Variants in VIRMA observed in about 807,000 individuals in gnomAD.
VIRMA encodes vir like m6A methyltransferase associated, also known as protein virilizer homolog.
Under a neutral mutation model 182.4 loss-of-function variants are expected in VIRMA, and 65 were observed. The ratio of observed to expected loss-of-function variants is 0.36; its 90% confidence interval spans 0.29 to 0.44. VIRMA has a LOEUF of 0.44. VIRMA is among the 20% of genes least tolerant of loss of function. The pLI is 1.00. For synonymous variants in VIRMA, 709 were observed against 743.1 expected, an observed-to-expected ratio of 0.95 and a Z score of 0.75; for missense variants, 1,752 against 2,158.1, an observed-to-expected ratio of 0.81 and a Z score of 3.73.
At chr8:94,520,425 G>A (rs1274622967) in intron 8 of VIRMA, among the ~76,000 whole-genome samples, 1 of 151,952 alleles carries the variant, frequency 6.6e-6, no homozygotes, top group African/African-American at 2.4e-5. Context: ...AGCCCAGGAG[G>A]TTGAGGCTGC....
chr8:94,542,746 T>C (rs1815603778), intron 2 of VIRMA, among the ~76,000 whole-genome samples: 2 of 152,250 alleles, frequency 1.3e-5, no homozygotes, highest in Admixed American at 6.5e-5. Flanking sequence ...TCCTTCACTA[T>C]AAACATTAAA....
In VIRMA at chr8:94,530,944, G is replaced by A. The variant is rs1815151882; in HGVS notation, c.607+19C>T. On this transcript the variant is annotated intron_variant, in intron 6 of 23. Transcript: ENST00000297591. ...CTATTAACTAGGGGGGAAAACCTTA[G>A]CACTGGTTTTATTTATACCTGGCAG... The A allele has an allele frequency of 6.3e-6, 10 of 1,596,872 alleles. No homozygotes were observed. The highest frequency in any genetic ancestry group is 7.7e-6 in the Non-Finnish European group (9 of 1,173,278).
In VIRMA at chr8:94,526,536, C is replaced by G. The variant is rs781239414; in HGVS notation, c.1708G>C (p.Gly570Arg). ...YEVLSEIKRLGDHLAEKTSSL... is the reference protein window; with the variant it reads ...YEVLSEIKRLRDHLAEKTSSL... ...GAAGTCTTCTCTGCTAAATGGTCACCAAGTCTTTTAATCTCTGACAAGACT... is the reference window on the plus strand; with the variant it reads ...GAAGTCTTCTCTGCTAAATGGTCACGAAGTCTTTTAATCTCTGACAAGACT... Residue 570 changes from glycine (G) to arginine (R), a missense_variant, in exon 8 of 24, where the codon GGT (glycine) becomes CGT (arginine). Gly to Arg is a moderately radical substitution (Grantham distance 125). Coordinates refer to ENST00000297591, the MANE Select transcript of VIRMA (RefSeq NM_015496.5). 2 of 1,612,666 alleles carry G rather than the reference C, an allele frequency of 1.2e-6. No individual in the cohort carries two copies. Among genetic ancestry groups the G allele is most frequent in the African/African-American group, 1.3e-5 (1 of 74,844 alleles).
At chr8:94,524,001 G>GTTCA in intron 8 of VIRMA, among the ~76,000 whole-genome samples, 1 of 150,328 alleles carries the variant, frequency 6.7e-6, no homozygotes, top group South Asian at 2.1e-4. Context: ...TTTGTTACTT[G>GTTCA]TTTATTTATT....
rs1376380709 is a variant in VIRMA, at chr8:94,494,971, G to GT, written c.4545-16dup. On this transcript the variant is annotated splice_polypyrimidine_tract_variant and intron_variant, in intron 19 of 23. Transcript: ENST00000297591. ...CATAGGCAGTCCTGGAACAAGAAAA[G>GT]TATCTGGTGAAAAGCAGAATTCTAA... The GT allele has an allele frequency of 1.6e-5, 25 of 1,520,670 alleles. No homozygotes were observed. Among genetic ancestry groups the GT allele is most frequent in the Non-Finnish European group, 2.1e-5 (23 of 1,101,374 alleles). The allele number at this position is 1,520,670 out of a possible 1,614,324, so 94.2% of individuals were successfully genotyped here.
intron 21 of VIRMA, 38 bp from the exon 22 acceptor site, chr8:94,491,947 T>A: frequency 6.8e-7 from 1 of 1,460,096 alleles, no homozygotes; most frequent in Admixed American, 2.3e-5. Flanking sequence ...CATTTTTCTT[T>A]CAGGTTTCTA....
chr8:94,550,716 TTATG>T (rs1815951786), intron 1 of VIRMA, among the ~76,000 whole-genome samples: 1 of 147,730 alleles, frequency 6.8e-6, no homozygotes, highest in African/African-American at 2.6e-5. Context: ...TTTTATTTAT[TTATG>T]TATTTATTTA....
chr8:94,544,662 CAA>C (rs11364603), intron 1 of VIRMA, among the ~76,000 whole-genome samples: 29,612 of 94,018 alleles, frequency 0.31, 2,888 homozygotes, highest in South Asian at 0.44. Context: ...GACTCTGTCT[CAA>C]AAAAAAAAAA....
chr8:94,495,989 A>T, intron 18 of VIRMA, 98 bp from the exon 19 acceptor site: 3 of 1,062,800 alleles, frequency 2.8e-6, no homozygotes, highest in Non-Finnish European at 4.0e-6. Context: ...TATTATTACT[A>T]AGAAATTTGG....
Position 94,506,553 on chromosome 8 carries a change from G to A in VIRMA, c.4044C>T (p.Val1348=), listed in dbSNP as rs1377464942. ...GCTCTGCAAGAAACATCATTGTTCT[G>A]ACACATGTCAGTAAACAGTTGTAAC... The part of the protein sequence containing the change: ...ESSYNCLLTC[V]RTMMFLAEHD... Residue 1348 remains valine (V), a synonymous_variant, in exon 16 of 24, where the codon GTC becomes GTT. Transcript: ENST00000297591. 1 of 1,613,550 alleles carries A rather than the reference G, an allele frequency of 6.2e-7. No individual in the cohort carries two copies. Among genetic ancestry groups the A allele is most frequent in the Non-Finnish European group, 8.5e-7 (1 of 1,179,696 alleles).
intron 8 of VIRMA, among the ~76,000 whole-genome samples, chr8:94,523,711 C>CTCCA (rs1814855164): frequency 6.6e-6 from 1 of 152,112 alleles, no homozygotes. Context: ...TCACTGCAAC[C>CTCCA]ACTGCCTCCT....
At position 94,529,231 on chromosome 8, in the gene VIRMA, A is replaced by G; in HGVS notation, c.719T>C (p.Val240Ala). 1.3e-6 allele frequency: 2 copies of G among 1,582,288 alleles called. No individual in the cohort carries two copies. The highest frequency in any genetic ancestry group is 1.7e-6 in the Non-Finnish European group (2 of 1,151,168). Residue 240 changes from valine to alanine, a missense_variant, in exon 7 of 24, where the codon GTA (valine) becomes GCA (alanine). This residue lies in a region of VIRMA where 114 missense variants were observed against 106.9 expected (regional missense o/e 1.07). Transcript: ENST00000297591. Reference sequence around the variant, plus strand: ...TCCTTCTTCTTGTTGTTCCTCTTCTACTTCTCCTTCATCAGAATATTGCCC... The same window carrying G: ...TCCTTCTTCTTGTTGTTCCTCTTCTGCTTCTCCTTCATCAGAATATTGCCC... Reference protein sequence around the residue: ...QEGQYSDEGEVEEEQQEEGEE... With the variant: ...QEGQYSDEGEAEEEQQEEGEE...
intron 4 of VIRMA, 21 bp downstream of exon 4, chr8:94,537,082 A>G: frequency 6.5e-7 from 1 of 1,545,540 alleles, no homozygotes. Flanking sequence ...TGACAAGCTG[A>G]AAACTGACTT....
Position 94,488,842 on chromosome 8 carries a change from C to T in VIRMA, c.5303G>A (p.Arg1768Gln), listed in dbSNP as rs1284967324. Residue 1768 changes from arginine to glutamine, a missense_variant, in exon 24 of 24, where the codon CGG becomes CAG. Around this residue, in one of 11 missense-constraint regions of VIRMA, gnomAD observed 132 missense variants for 173.8 expected, o/e 0.76. Coordinates refer to ENST00000297591, the MANE Select transcript of VIRMA (RefSeq NM_015496.5). ...CCCACGACCTCTAGAAGCACGGTCC[C>T]GAGGACTTGGGCGGTAACCTGTAAA... is the stretch of plus-strand genomic sequence containing the variant. Reference protein sequence around the residue: ...LSSTGYRPSPRDRASRGRGGL... With the variant: ...LSSTGYRPSPQDRASRGRGGL... The T allele has an allele frequency of 1.2e-6, 2 of 1,613,946 alleles. No homozygotes were observed. Among genetic ancestry groups the T allele is most frequent in the Non-Finnish European group, 1.7e-6 (2 of 1,179,894 alleles).
At chr8:94,517,538 A>G (rs139153039) in intron 10 of VIRMA, among the ~76,000 whole-genome samples, 1 of 152,322 alleles carries the variant, frequency 6.6e-6, no homozygotes, top group East Asian at 1.9e-4. Context: ...TTTTGATTAG[A>G]AATTTCAACA....
In VIRMA at chr8:94,511,622, G is replaced by A; in HGVS notation, c.2953C>T (p.Gln985Ter). The stretch of plus-strand genomic sequence containing the variant: ...ATGTTGACATGGAGCCTCCAAGGCT[G>A]AGTCAGAATACTGTTCAATTTTTGC... ...VLQKLNSILT[Q>*]PWRLHVNMGT... is the part of the protein sequence containing the mutation. The change falls in exon 13 of 24, where the codon CAG (glutamine) becomes TAG (stop). Residue 985 changes from glutamine to a stop codon, truncating the protein, a stop_gained. Transcript: ENST00000297591. LOFTEE classifies it high-confidence loss of function. The A allele has an allele frequency of 6.2e-7, 1 of 1,614,114 alleles. No homozygotes were observed. The highest frequency in any genetic ancestry group is 8.5e-7 in the Non-Finnish European group (1 of 1,180,000).
chr8:94,525,871 G>A (rs1814942052), intron 8 of VIRMA, among the ~76,000 whole-genome samples: 2 of 152,086 alleles, frequency 1.3e-5, no homozygotes, highest in African/African-American at 4.8e-5. Flanking sequence ...AGTACAGATG[G>A]GTTCACACAG....
At chr8:94,533,393 T>A (rs1379361039) in intron 5 of VIRMA, among the ~76,000 whole-genome samples, 2 of 152,136 alleles carry the variant, frequency 1.3e-5, no homozygotes, top group African/African-American at 2.4e-5. Flanking sequence ...TGACTTTAAT[T>A]ACAATTTCAA....
chr8:94,516,021 T>A (rs1814550896), intron 10 of VIRMA, among the ~76,000 whole-genome samples: 1 of 151,860 alleles, frequency 6.6e-6, no homozygotes, highest in Non-Finnish European at 1.5e-5. Flanking sequence ...GGCAGAAGAA[T>A]CACTTGAACC....
Sources: gnomAD v4.1 joint callset for allele counts (sites outside exome capture counted in the v4.1 genomes callset) on GRCh38, gnomAD v4.1.1 for gene constraint, gnomAD v4.1.1 regional missense constraint, MANE v1.5 for transcripts, NCBI Gene and HGNC (gene_info 2026-07-23, HGNC 2026-07-21) for gene names.